FILIP1L: variants seen among roughly 807,000 people sequenced by gnomAD.
FILIP1L encodes filamin A interacting protein 1 like.
A neutral mutation model predicts 96.6 loss-of-function variants in FILIP1L; 55 were observed. The ratio of observed to expected loss-of-function variants is 0.57; its 90% CI spans 0.46 to 0.71. The LOEUF is 0.71. Among genes scored for constraint, FILIP1L ranks in the 30% least tolerant of loss-of-function variants. FILIP1L has a pLI of 0.00. For missense variants in FILIP1L, 1,304 were observed against 1,321.2 expected (o/e 0.99, Z 0.20); for synonymous variants, 467 against 473.9 (o/e 0.99, Z 0.19).
intron 5 of FILIP1L, among the ~76,000 whole-genome samples, chr3:99,842,638 T>A (rs138786827): frequency 6.6e-6 from 1 of 152,168 alleles, no homozygotes; most frequent in East Asian, 1.9e-4. Context: ...CCTCAAATAA[T>A]AAGATAAGTT....
At chr3:99,895,674 T>C (rs910318670) in intron 4 of FILIP1L, among the ~76,000 whole-genome samples, 3 of 152,214 alleles carry the variant, frequency 2.0e-5, no homozygotes, top group African/African-American at 7.2e-5. Context: ...CTTATCACTG[T>C]ACATGTAATA....
intron 1 of FILIP1L, among the ~76,000 whole-genome samples, chr3:99,935,089 A>T (rs1707618599): frequency 6.6e-6 from 1 of 152,142 alleles, no homozygotes; most frequent in African/African-American, 2.4e-5. Flanking sequence ...ATAATTAAGT[A>T]TCTAGAGGAA....
At chr3:100,070,701 G>C (rs1468437528) in intron 1 of FILIP1L, among the ~76,000 whole-genome samples, 1 of 151,980 alleles carries the variant, frequency 6.6e-6, no homozygotes, top group East Asian at 1.9e-4. Flanking sequence ...GCGCAATCTC[G>C]GCTCACTGCA....
chr3:100,068,491 T>G (rs2065705756), intron 1 of FILIP1L, among the ~76,000 whole-genome samples: 1 of 152,164 alleles, frequency 6.6e-6, no homozygotes, highest in South Asian at 2.1e-4. Context: ...ATGTAAATAT[T>G]CATACATCTT....
At chr3:100,000,876 A>G (rs1340930788) in intron 1 of FILIP1L, among the ~76,000 whole-genome samples, 1 of 152,242 alleles carries the variant, frequency 6.6e-6, no homozygotes, top group African/African-American at 2.4e-5. Context: ...CTCAGTAACT[A>G]TGTTGTATAT....
chr3:99,875,056 T>TA (rs1273374445), intron 4 of FILIP1L, among the ~76,000 whole-genome samples: 2 of 152,234 alleles, frequency 1.3e-5, no homozygotes, highest in South Asian at 2.1e-4. Flanking sequence ...ACATAGTTGT[T>TA]AAAGTTTTAT....
intron 1 of FILIP1L, among the ~76,000 whole-genome samples, chr3:100,092,136 A>G (rs568238745): frequency 6.0e-4 from 91 of 152,342 alleles, no homozygotes; most frequent in African/African-American, 2.1e-3. Context: ...ACTTCCTCAC[A>G]CATTTTTAAG....
At chr3:100,048,002 C>A (rs1297267242) in intron 1 of FILIP1L, among the ~76,000 whole-genome samples, 1 of 152,150 alleles carries the variant, frequency 6.6e-6, no homozygotes, top group East Asian at 1.9e-4. Context: ...CTAAGAAACA[C>A]TGGGCCATAG....
intron 4 of FILIP1L, among the ~76,000 whole-genome samples, chr3:99,862,659 G>C (rs1944320268): frequency 6.6e-6 from 1 of 152,202 alleles, no homozygotes; most frequent in South Asian, 2.1e-4. Flanking sequence ...AATGTCTCCA[G>C]ACATTGCAGA....
intron 4 of FILIP1L, among the ~76,000 whole-genome samples, chr3:99,909,829 A>T (rs1706735996): frequency 6.6e-6 from 1 of 152,156 alleles, no homozygotes. Context: ...CTGAAATTGC[A>T]TGGAGAGTAG....
intron 1 of FILIP1L, among the ~76,000 whole-genome samples, chr3:99,978,900 G>A (rs1709043782): frequency 1.3e-5 from 2 of 151,854 alleles, no homozygotes; most frequent in Non-Finnish European, 2.9e-5. Flanking sequence ...AAAAAAAGAA[G>A]CAGAAGTAGG....
intron 1 of FILIP1L, among the ~76,000 whole-genome samples, chr3:100,109,734 C>T (rs1291872653): frequency 6.6e-6 from 1 of 151,944 alleles, no homozygotes; most frequent in Admixed American, 6.6e-5. Context: ...GGGGTTGTTT[C>T]CAGGTTTTGG....
At chr3:99,859,603 C>T (rs541080142) in intron 4 of FILIP1L, among the ~76,000 whole-genome samples, 66 of 152,226 alleles carry the variant, frequency 4.3e-4, no homozygotes, top group African/African-American at 1.5e-3. Context: ...CTTTGATAGC[C>T]TGATTATGAT....
intron 1 of FILIP1L, among the ~76,000 whole-genome samples, chr3:99,980,413 T>C (rs1177331018): frequency 1.3e-5 from 2 of 152,288 alleles, no homozygotes; most frequent in Admixed American, 1.3e-4. Context: ...TCAGATATGT[T>C]AGGTAACTGC....
At chr3:99,866,469 T>C (rs548301094) in intron 4 of FILIP1L, among the ~76,000 whole-genome samples, 2 of 152,278 alleles carry the variant, frequency 1.3e-5, no homozygotes, top group African/African-American at 4.8e-5. Context: ...CAGTTTGCCA[T>C]AGAAACAGGA....
chr3:100,064,873 AG>A (rs927520353), intron 1 of FILIP1L, among the ~76,000 whole-genome samples: 3 of 100,050 alleles, frequency 3.0e-5, no homozygotes, highest in African/African-American at 1.2e-4. Context: ...AGATTTGGCC[AG>A]GGGCCTGGGG....
At chr3:99,972,988 A>C (rs1412664656) in intron 1 of FILIP1L, among the ~76,000 whole-genome samples, 3 of 152,204 alleles carry the variant, frequency 2.0e-5, no homozygotes, top group Admixed American at 1.3e-4. Flanking sequence ...TGAGAGCAGA[A>C]ATAGGCCAGA....
chr3:99,931,348 C>G (rs1707476912), intron 1 of FILIP1L, among the ~76,000 whole-genome samples: 1 of 152,190 alleles, frequency 6.6e-6, no homozygotes, highest in Non-Finnish European at 1.5e-5. Context: ...GACCTCCAAC[C>G]ATGACCCTAA....
chr3:100,037,275 A>G (rs1474491625), intron 1 of FILIP1L, among the ~76,000 whole-genome samples: 4 of 152,208 alleles, frequency 2.6e-5, no homozygotes, highest in Non-Finnish European at 5.9e-5. Flanking sequence ...ACTTACTCAG[A>G]TGGTTTAGAA....
Sources: allele counts gnomAD v4.1 joint callset (sites outside exome capture counted in the v4.1 genomes callset), GRCh38; gene constraint gnomAD v4.1.1; transcripts MANE v1.5; gene names NCBI Gene and HGNC (gene_info 2026-07-23, HGNC 2026-07-21).